The following DMXL1 variants were observed in gnomAD, a reference collection of about 807,000 sequenced individuals.
DMXL1 encodes dmX-like protein 1.
Under a neutral mutation model 319.2 loss-of-function variants are expected in DMXL1, and 99 were observed. The ratio of observed to expected loss-of-function variants is 0.31; its 90% CI spans 0.26 to 0.37. The LOEUF is 0.37. Among genes scored for constraint, DMXL1 ranks in the 10% least tolerant of loss-of-function variants. The pLI is 1.00. For missense variants in DMXL1, 3,745 were observed against 3,595.6 expected, an observed-to-expected ratio of 1.04 and a Z score of -1.06; for synonymous variants, 1,385 against 1,235.2, an observed-to-expected ratio of 1.12 and a Z score of -2.54.
Position 119,233,338 on chromosome 5 carries a change from A to G in DMXL1, c.8339-2A>G. ...TGCAATTTTTGCCCTCTTGTAATGC[A>G]GATCTGACAGGAGCTCAAGATGGAA... On this transcript the variant is annotated splice_acceptor_variant, in intron 38 of 43. Coordinates refer to ENST00000539542, the MANE Select transcript of DMXL1 (RefSeq NM_001290321.3). LOFTEE classifies it high-confidence loss of function. 2 of 1,610,092 alleles carry G rather than the reference A, an allele frequency of 1.2e-6. No individual in the cohort carries two copies. Among genetic ancestry groups the G allele is most frequent in the Non-Finnish European group, 1.7e-6 (2 of 1,178,104 alleles).
chr5:119,108,664 C>G (rs917379530), intron 4 of DMXL1, among the ~76,000 whole-genome samples: 1 of 152,182 alleles, frequency 6.6e-6, no homozygotes, highest in East Asian at 1.9e-4. Flanking sequence ...AAGCAGTCCT[C>G]CCACCTTGGC....
intron 5 of DMXL1, among the ~76,000 whole-genome samples, chr5:119,111,928 T>C (rs1163211853): frequency 6.6e-6 from 1 of 152,236 alleles, no homozygotes; most frequent in African/African-American, 2.4e-5. Context: ...GGTGCTCTTG[T>C]ATACTGTCAA....
At chr5:119,123,321 G>GGGGAGA (rs1762656377) in intron 9 of DMXL1, among the ~76,000 whole-genome samples, 1 of 74,894 alleles carries the variant, frequency 1.3e-5, no homozygotes, top group Non-Finnish European at 2.5e-5. Flanking sequence ...ACCGTGGAAA[G>GGGGAGA]GGGAGAGGGA....
At chr5:119,176,519 AG>A (rs759526591) in intron 26 of DMXL1, among the ~76,000 whole-genome samples, 12 of 152,018 alleles carry the variant, frequency 7.9e-5, no homozygotes, top group Non-Finnish European at 1.6e-4. Context: ...TGATTTCTAT[AG>A]GAATGAGGGA....
intron 1 of DMXL1, among the ~76,000 whole-genome samples, chr5:119,093,271 C>A (rs1427999484): frequency 6.6e-6 from 1 of 152,048 alleles, no homozygotes; most frequent in Non-Finnish European, 1.5e-5. Context: ...GCAACCTCTG[C>A]CTCCTGGGTT....
intron 30 of DMXL1, among the ~76,000 whole-genome samples, chr5:119,195,415 TAGGA>T (rs900544252): frequency 3.9e-4 from 59 of 152,282 alleles, no homozygotes; most frequent in African/African-American, 1.3e-3. Flanking sequence ...TATTCAGCCT[TAGGA>T]AGGAAATTCT....
At chr5:119,220,847 A>C in intron 36 of DMXL1, 93 bp from the exon 37 acceptor site, 1 of 1,437,122 alleles carries the variant, frequency 7.0e-7, no homozygotes, top group Non-Finnish European at 9.4e-7. Flanking sequence ...AATTAATTTT[A>C]AAGGGAACTA....
intron 39 of DMXL1, among the ~76,000 whole-genome samples, chr5:119,234,151 A>G (rs1466905004): frequency 3.9e-5 from 6 of 152,094 alleles, no homozygotes; most frequent in Admixed American, 3.9e-4. Flanking sequence ...TTCACTTCTC[A>G]TAATCCTTTG....
chr5:119,174,574 A>G (rs185447681), intron 25 of DMXL1, among the ~76,000 whole-genome samples: 117 of 152,378 alleles, frequency 7.7e-4, no homozygotes, highest in Non-Finnish European at 1.4e-3. Context: ...TATCTACAAA[A>G]TGACTGGCAT....
At chr5:119,114,220 A>G (rs1391755803) in intron 5 of DMXL1, among the ~76,000 whole-genome samples, 1 of 152,212 alleles carries the variant, frequency 6.6e-6, no homozygotes, top group East Asian at 1.9e-4. Context: ...TTCTAAGGGA[A>G]TGAAAGTTAC....
chr5:119,220,500 C>T lies in DMXL1; in HGVS notation c.8042C>T (p.Ser2681Phe), dbSNP rs1183014103. The change falls in exon 36 of 44, where the codon TCC becomes TTC. Residue 2681 changes from serine to phenylalanine, a missense_variant. By Grantham distance (155) the Ser-to-Phe change is radical. Transcript: ENST00000539542. Reference sequence around the variant, plus strand: ...AATAGAAACTGCATAGCAATCGCTTCCAGTCATGATGTTCAAGAACTGGAT... The same window carrying T: ...AATAGAAACTGCATAGCAATCGCTTTCAGTCATGATGTTCAAGAACTGGAT... ...KANRNCIAIA[S>F]SHDVQELDVS... 1 of 1,613,846 alleles carries T rather than the reference C, an allele frequency of 6.2e-7. No homozygotes were observed. The highest frequency in any genetic ancestry group is 1.1e-5 in the South Asian group (1 of 91,064).
intron 3 of DMXL1, chr5:119,104,098 A>G (rs529290760): frequency 1.3e-5 from 2 of 152,214 alleles, no homozygotes; most frequent in Non-Finnish European, 2.9e-5. Flanking sequence ...GTAAAAATAT[A>G]TTCTTTCCTT....
In DMXL1 at chr5:119,244,410, A is replaced by G; in HGVS notation, c.8756A>G (p.His2919Arg). 4 of 1,614,136 alleles carry G rather than the reference A, an allele frequency of 2.5e-6. No homozygotes were observed. The highest frequency in any genetic ancestry group is 3.4e-6 in the Non-Finnish European group (4 of 1,180,006). ...ACAGTTTTAGCATATGCTCCAAAAC[A>G]TCAGCTACTAATATCAGGTGGCAGA... ...GATVLAYAPK[H>R]QLLISGGRKG... The change falls in exon 43 of 44, where the codon CAT becomes CGT. Residue 2919 changes from histidine to arginine, a missense_variant. By Grantham distance (29) the His-to-Arg change is conservative. Around this residue, in one of 4 missense-constraint regions of DMXL1, gnomAD observed 262 missense variants for 320.5 expected, o/e 0.82. Transcript: ENST00000539542.
At chr5:119,187,390 A>G (rs1777927169) in intron 28 of DMXL1, among the ~76,000 whole-genome samples, 1 of 152,192 alleles carries the variant, frequency 6.6e-6, no homozygotes, top group Admixed American at 6.5e-5. Context: ...AACCAGTTGA[A>G]CACCCAGCAG....
At chr5:119,243,567 AT>A (rs1050225208) in intron 42 of DMXL1, among the ~76,000 whole-genome samples, 5 of 152,062 alleles carry the variant, frequency 3.3e-5, no homozygotes, top group Non-Finnish European at 7.4e-5. Flanking sequence ...ATATTTTTAT[AT>A]TTCTCATACT....
chr5:119,217,680 T>C (rs1249922317), intron 35 of DMXL1, among the ~76,000 whole-genome samples: 1 of 152,210 alleles, frequency 6.6e-6, no homozygotes, highest in East Asian at 1.9e-4. Context: ...TGTATACATA[T>C]ATATAAGATG....
intron 31 of DMXL1, 65 bp downstream of exon 31, chr5:119,196,521 T>TG: frequency 8.4e-7 from 1 of 1,193,052 alleles, no homozygotes; most frequent in Non-Finnish European, 1.2e-6. Context: ...TGTTGTTTTT[T>TG]TTTTTTTTTT....
intron 1 of DMXL1, among the ~76,000 whole-genome samples, chr5:119,088,728 A>G (rs1580623351): frequency 6.6e-6 from 1 of 152,228 alleles, no homozygotes; most frequent in South Asian, 2.1e-4. Context: ...TCTTAAAGGT[A>G]TGACAGCTTA....
intron 36 of DMXL1, 131 bp from the exon 37 acceptor site, chr5:119,220,805 TTGTG>T: frequency 8.4e-7 from 1 of 1,185,990 alleles, no homozygotes; most frequent in South Asian, 1.6e-5. Context: ...TATGAGGTCA[TTGTG>T]TGTGAGTTAC....
Sources: allele counts gnomAD v4.1 joint callset (sites outside exome capture counted in the v4.1 genomes callset), GRCh38; gene constraint gnomAD v4.1.1; regional missense constraint gnomAD v4.1.1; transcripts MANE v1.5; gene names NCBI Gene and HGNC (gene_info 2026-07-23, HGNC 2026-07-21).